LINGO2: variants seen among roughly 807,000 people sequenced by gnomAD.
LINGO2 encodes leucine rich repeat and Ig domain containing 2, also known as leucine-rich repeat and immunoglobulin-like domain-containing nogo receptor-interacting protein 2.
In LINGO2, 14 loss-of-function variants were observed where a neutral mutation model predicts 30.6. The ratio of observed to expected loss-of-function variants is 0.46; its 90% CI spans 0.30 to 0.72. LINGO2 has a LOEUF of 0.72. Among genes scored for constraint, LINGO2 ranks in the 30% least tolerant of loss-of-function variants. The pLI is 0.07. For missense variants in LINGO2, 729 were observed against 751.7 expected, an observed-to-expected ratio of 0.97 and a Z score of 0.35; for synonymous variants, 317 against 288.5, an observed-to-expected ratio of 1.10 and a Z score of -1.00.
At chr9:28,884,999 TATATA>T in the LINGO2 span, among the ~76,000 whole-genome samples, 2 of 61,650 alleles carry the variant, frequency 3.2e-5, 1 homozygote, top group Non-Finnish European at 6.2e-5. Flanking sequence ...TAATATATTA[TATATA>T]TATATATATA....
intron 4 of LINGO2, among the ~76,000 whole-genome samples, chr9:28,058,053 T>C (rs1825015157): frequency 6.6e-6 from 1 of 152,140 alleles, no homozygotes; most frequent in African/African-American, 2.4e-5. Context: ...GAGGCAAGCA[T>C]TTGCCTGACA....
intron 2 of LINGO2, among the ~76,000 whole-genome samples, chr9:28,421,502 G>T (rs1230758080): frequency 1.4e-5 from 2 of 140,846 alleles, no homozygotes; most frequent in East Asian, 4.0e-4. Flanking sequence ...AAAAAACAAA[G>T]TTAGAGGTCT....
chr9:28,736,137 G>A, the LINGO2 span, among the ~76,000 whole-genome samples: 1 of 152,166 alleles, frequency 6.6e-6, no homozygotes, highest in Non-Finnish European at 1.5e-5. Context: ...CAGACTCTTG[G>A]TTCTGTCAGG....
At chr9:28,857,737 T>C in the LINGO2 span, among the ~76,000 whole-genome samples, 1 of 152,030 alleles carries the variant, frequency 6.6e-6, no homozygotes, top group African/African-American at 2.4e-5. Flanking sequence ...AAAATATGTA[T>C]AAAATTCTTA....
chr9:28,268,060 A>ATT (rs1161262370), intron 4 of LINGO2, among the ~76,000 whole-genome samples: 3 of 152,116 alleles, frequency 2.0e-5, no homozygotes, highest in Non-Finnish European at 4.4e-5. Flanking sequence ...TATCAGAGTT[A>ATT]TTTGTGCATA....
At chr9:28,766,410 T>G in the LINGO2 span, among the ~76,000 whole-genome samples, 1 of 150,938 alleles carries the variant, frequency 6.6e-6, no homozygotes, top group Non-Finnish European at 1.5e-5. Context: ...CAAAGCCACC[T>G]GATAGAATGG....
intron 4 of LINGO2, among the ~76,000 whole-genome samples, chr9:28,019,698 T>C (rs924921730): frequency 6.6e-6 from 1 of 152,152 alleles, no homozygotes; most frequent in East Asian, 1.9e-4. Context: ...GACTCTACCA[T>C]TCTATTTTTT....
chr9:27,995,748 C>T (rs1275276952), intron 5 of LINGO2, among the ~76,000 whole-genome samples: 1 of 152,084 alleles, frequency 6.6e-6, no homozygotes, highest in African/African-American at 2.4e-5. Context: ...TGGACAAACA[C>T]ACAGCTAACA....
intron 4 of LINGO2, among the ~76,000 whole-genome samples, chr9:28,095,467 C>G (rs1051574800): frequency 6.6e-5 from 10 of 151,998 alleles, no homozygotes; most frequent in African/African-American, 2.4e-4. Context: ...GGAAAGGATT[C>G]CCTATTTAAT....
the LINGO2 span, among the ~76,000 whole-genome samples, chr9:28,809,424 C>G: frequency 1.3e-5 from 2 of 152,132 alleles, no homozygotes; most frequent in African/African-American, 2.4e-5. Context: ...AATCTATTCT[C>G]CCTAGCACTG....
chr9:28,731,148 C>A, the LINGO2 span, among the ~76,000 whole-genome samples: 1 of 152,012 alleles, frequency 6.6e-6, no homozygotes, highest in Non-Finnish European at 1.5e-5. Context: ...CACCACCACA[C>A]CCGGCTAATT....
At chr9:28,907,730 G>C in the LINGO2 span, among the ~76,000 whole-genome samples, 2 of 151,658 alleles carry the variant, frequency 1.3e-5, no homozygotes, top group Non-Finnish European at 3.0e-5. Flanking sequence ...ACTTATGAAT[G>C]TACAGAAAAT....
At chr9:28,366,262 A>G (rs1173318022) in intron 3 of LINGO2, among the ~76,000 whole-genome samples, 2 of 152,180 alleles carry the variant, frequency 1.3e-5, no homozygotes, top group African/African-American at 4.8e-5. Flanking sequence ...TACTTAGTTT[A>G]CTTATTCATC....
chr9:28,514,000 CTT>C (rs1227152227), intron 1 of LINGO2, among the ~76,000 whole-genome samples: 4 of 152,160 alleles, frequency 2.6e-5, no homozygotes, highest in African/African-American at 9.7e-5. Context: ...TTTGGTGATT[CTT>C]ACAGTATTTC....
the LINGO2 span, among the ~76,000 whole-genome samples, chr9:29,125,996 T>C: frequency 6.6e-6 from 1 of 152,140 alleles, no homozygotes; most frequent in African/African-American, 2.4e-5. Context: ...CTTATTTAAA[T>C]GGTAAAAACC....
chr9:29,169,875 G>A, the LINGO2 span, among the ~76,000 whole-genome samples: 1 of 152,138 alleles, frequency 6.6e-6, no homozygotes, highest in Non-Finnish European at 1.5e-5. Context: ...GCACGCGCCT[G>A]TAGTCTCAGC....
chr9:29,063,586 A>ATG, the LINGO2 span, among the ~76,000 whole-genome samples: 7 of 151,758 alleles, frequency 4.6e-5, no homozygotes, highest in African/African-American at 1.7e-4. Context: ...TTTCATAGAG[A>ATG]TGGGGGTTTC....
the LINGO2 span, among the ~76,000 whole-genome samples, chr9:29,011,090 T>C: frequency 2.0e-5 from 3 of 152,172 alleles, no homozygotes; most frequent in African/African-American, 7.2e-5. Flanking sequence ...CCATTAAACA[T>C]TGGTTTCTTA....
intron 1 of LINGO2, among the ~76,000 whole-genome samples, chr9:28,618,891 TTGTTAC>T (rs1826262942): frequency 6.6e-6 from 1 of 152,180 alleles, no homozygotes; most frequent in Non-Finnish European, 1.5e-5. Context: ...GAAAAAAAAT[TTGTTAC>T]TGTAATGCAG....
Sources: gnomAD v4.1 joint callset for allele counts (sites outside exome capture counted in the v4.1 genomes callset) on GRCh38, gnomAD v4.1.1 for gene constraint, MANE v1.5 for transcripts, NCBI Gene and HGNC (gene_info 2026-07-23, HGNC 2026-07-21) for gene names.